The following TEAD4 variants were observed in gnomAD, a reference collection of about 807,000 sequenced individuals.
The protein encoded by TEAD4 is transcriptional enhancer factor TEF-3.
A neutral mutation model predicts 52.4 loss-of-function variants in TEAD4; 36 were observed. The ratio of observed to expected loss-of-function variants is 0.69; its 90% CI spans 0.53 to 0.91. TEAD4 has a LOEUF of 0.91. Ranked by LOEUF, TEAD4 falls within the 40% of genes least tolerant of loss-of-function variation. The pLI, the probability that TEAD4 is intolerant of heterozygous loss-of-function variation, is 0.00. For synonymous variants in TEAD4, 220 were observed against 231.0 expected, an observed-to-expected ratio of 0.95 and a Z score of 0.43; for missense variants, 508 against 583.9, an observed-to-expected ratio of 0.87 and a Z score of 1.34.
chr12:3,018,574 C>T lies in TEAD4; in HGVS notation c.513C>T (p.Ala171=), dbSNP rs377350544. 3.5e-5 allele frequency: 56 copies of T among 1,613,980 alleles called. No homozygotes were observed. The Admixed American group carries it at 7.8e-4, about 23-fold the overall frequency. The change falls in exon 7 of 13, where the codon GCC becomes GCT. Residue 171 remains alanine, a synonymous_variant. Coordinates refer to ENST00000359864, the MANE Select transcript of TEAD4 (RefSeq NM_003213.4). ...GGCAAGGAGCTTTGCCAGGCCAAGCCGGAACGTCCCATGAGTGAGTATGGC... is the reference window on the plus strand; with the variant it reads ...GGCAAGGAGCTTTGCCAGGCCAAGCTGGAACGTCCCATGAGTGAGTATGGC...
chr12:2,987,647 C>A (rs1005541426), intron 2 of TEAD4, among the ~76,000 whole-genome samples: 1 of 151,364 alleles, frequency 6.6e-6, no homozygotes, highest in African/African-American at 2.4e-5. Context: ...TGGTCTCGAT[C>A]TCCTGACCTC....
chr12:3,007,062 A>C (rs2098256527), intron 3 of TEAD4, among the ~76,000 whole-genome samples: 1 of 152,074 alleles, frequency 6.6e-6, no homozygotes, highest in Non-Finnish European at 1.5e-5. Flanking sequence ...AGCTTGCCTT[A>C]GACCCCTTGG....
rs1358805899 is a variant in TEAD4 at position 2,992,018 on chromosome 12, T to C, written c.-29-2720T>C. ...GGGGTTGGGGGGGGCGGTTCCTGCT[T>C]TTTTTTTTTTTTTTTTTTGAGGCGG... On this transcript the variant is annotated intron_variant, in intron 2 of 12. Coordinates refer to ENST00000359864, the MANE Select transcript of TEAD4 (RefSeq NM_003213.4). Among the ~76,000 whole-genome samples, 330 of 69,412 alleles carry C rather than the reference T, an allele frequency of 4.8e-3. 3 individuals are homozygous for C. The African/African-American group carries it at 0.089, about 19-fold the overall frequency. 45.5% of individuals were successfully genotyped at this position (69,412 alleles called of 152,430 possible).
At chr12:2,960,200 A>AG in intron 2 of TEAD4, 160 bp downstream of exon 2, 3 of 735,432 alleles carry the variant, frequency 4.1e-6, no homozygotes, top group Non-Finnish European at 5.0e-6. Context: ...GGGGCGGGTA[A>AG]GGGGGGTGGA....
At chr12:3,023,945 C>T (rs368924334) in intron 10 of TEAD4, among the ~76,000 whole-genome samples, 3 of 151,940 alleles carry the variant, frequency 2.0e-5, no homozygotes, top group Non-Finnish European at 4.4e-5. Flanking sequence ...TGCTGTATCT[C>T]GATGTCAGGA....
Position 3,000,096 on chromosome 12 carries a change from C to G in TEAD4, c.226+5104C>G, listed in dbSNP as rs545153075. 1.1e-4 allele frequency among the ~76,000 whole-genome samples: 16 copies of G among 152,246 alleles called. 1 individual carries two copies. The South Asian group carries it at 2.9e-3, about 28-fold the overall frequency. On this transcript the variant is annotated intron_variant, in intron 3 of 12. Coordinates refer to ENST00000359864, the MANE Select transcript of TEAD4 (RefSeq NM_003213.4). ...GCAGGCCGGGCTGAGGCCGTGTGGT[C>G]TCTGCTCTCCACAACTTCATGGTCT...
intron 10 of TEAD4, 133 bp from the exon 11 acceptor site, chr12:3,037,835 G>A (rs775565629): frequency 9.5e-5 from 102 of 1,071,558 alleles, no homozygotes; most frequent in African/African-American, 3.2e-4. Context: ...GCTTTCTGGC[G>A]TCCTACTGTC....
intron 3 of TEAD4, among the ~76,000 whole-genome samples, chr12:3,008,702 A>T (rs2098257823): frequency 6.6e-6 from 1 of 152,178 alleles, no homozygotes; most frequent in Non-Finnish European, 1.5e-5. Flanking sequence ...TCATTCATTC[A>T]GTGAGTAGGT....
intron 3 of TEAD4, among the ~76,000 whole-genome samples, chr12:2,997,808 G>C (rs539013315): frequency 3.5e-5 from 5 of 142,996 alleles, no homozygotes; most frequent in South Asian, 2.1e-4. Flanking sequence ...GCTTTTTCGG[G>C]GGGGGGGTGT....
chr12:2,974,179 T>G (rs1329648278), intron 2 of TEAD4, among the ~76,000 whole-genome samples: 1 of 152,074 alleles, frequency 6.6e-6, no homozygotes, highest in Non-Finnish European at 1.5e-5. Context: ...TTTTTGTATT[T>G]TTAGTAGAGA....
chr12:3,038,594 G>A (rs934832744), intron 11 of TEAD4, among the ~76,000 whole-genome samples: 2 of 152,192 alleles, frequency 1.3e-5, no homozygotes, highest in East Asian at 3.9e-4. Flanking sequence ...GTACCCTGGA[G>A]ACCCTGCTCT....
At chr12:3,012,253 G>T in intron 5 of TEAD4, 21 bp downstream of exon 5, 1 of 1,613,376 alleles carries the variant, frequency 6.2e-7, no homozygotes, top group African/African-American at 1.3e-5. Context: ...TGCAGTGGGG[G>T]TGCTGGAGTG....
At position 3,040,116 on chromosome 12, in the gene TEAD4, G is replaced by A; in HGVS notation, c.1048G>A (p.Ala350Thr). 6.2e-7 allele frequency: 1 copy of A among 1,614,192 alleles called. No homozygotes were observed. Among genetic ancestry groups the A allele is most frequent in the Non-Finnish European group, 8.5e-7 (1 of 1,180,030 alleles). ...TCCCCGGGTCCTGCAGACAGAGTAT[G>A]CTCGCTATGAGAATGGACACTACTC... Residue 350 changes from alanine to threonine, a missense_variant, in exon 12 of 13, where the codon GCT becomes ACT. By Grantham distance (58) the Ala-to-Thr change is moderately conservative. Transcript: ENST00000359864.
Position 2,994,565 on chromosome 12 carries a change from C to T in TEAD4, c.-29-173C>T, listed in dbSNP as rs2098245676. On this transcript the variant is annotated intron_variant, in intron 2 of 12. Coordinates refer to ENST00000359864, the MANE Select transcript of TEAD4 (RefSeq NM_003213.4). The surrounding 1 kb of genome is among the most constrained non-coding windows in gnomAD (Gnocchi z 4.7). ...TCGACAGATGGGAAGATGAGCTCTC[C>T]AGAGGGGATGGGACCTGTTCAAGAC... 6.6e-6 allele frequency among the ~76,000 whole-genome samples: 1 copy of T among 152,182 alleles called. No individual in the cohort carries two copies. The highest frequency in any genetic ancestry group is 6.5e-5 in the Admixed American group (1 of 15,280).
intron 4 of TEAD4, 82 bp from the exon 5 acceptor site, chr12:3,012,088 T>G: frequency 1.4e-6 from 2 of 1,430,780 alleles, no homozygotes; most frequent in Non-Finnish European, 2.0e-6. Context: ...TTGAGGGCTG[T>G]GGAGGGCGAG....
chr12:3,035,057 C>T (rs1040207470), intron 10 of TEAD4, among the ~76,000 whole-genome samples: 5 of 152,064 alleles, frequency 3.3e-5, no homozygotes, highest in African/African-American at 1.2e-4. Flanking sequence ...GCTGAGATTG[C>T]ACCACCACAC....
chr12:3,040,570 C>T lies in TEAD4; in HGVS notation c.*92C>T, dbSNP rs2098282159. 2.6e-6 allele frequency: 3 copies of T among 1,168,020 alleles called. No individual in the cohort carries two copies. The highest frequency in any genetic ancestry group is 3.7e-6 in the Non-Finnish European group (3 of 800,784). The allele number at this position is 1,168,020 out of a possible 1,614,324, so 72.4% of individuals were successfully genotyped here. On this transcript the variant is annotated 3_prime_UTR_variant, in exon 13 of 13. Transcript: ENST00000359864. ...CTGCAGGGGCAGCCCCCTGAAGTGC[C>T]AAGAGAGCTGAGAGGAGCAGTTGTG...
intron 4 of TEAD4, among the ~76,000 whole-genome samples, chr12:3,011,320 T>A (rs2153956624): frequency 6.6e-6 from 1 of 152,210 alleles, no homozygotes; most frequent in East Asian, 1.9e-4. Flanking sequence ...AACCTTCTCC[T>A]CCTGGGTTCA....
At chr12:2,995,489 A>G (rs1221803629) in intron 3 of TEAD4, among the ~76,000 whole-genome samples, 1 of 152,104 alleles carries the variant, frequency 6.6e-6, no homozygotes, top group Non-Finnish European at 1.5e-5. Context: ...CCTGCTCTGC[A>G]AGGCAGCCTG....
Sources: allele counts gnomAD v4.1 joint callset (sites outside exome capture counted in the v4.1 genomes callset), GRCh38; gene constraint gnomAD v4.1.1; non-coding constraint Gnocchi (gnomAD v3.1); transcripts MANE v1.5; gene names NCBI Gene and HGNC (gene_info 2026-07-23, HGNC 2026-07-21).